KCND2: variants seen among roughly 807,000 people sequenced by gnomAD.
The protein encoded by KCND2 is potassium voltage-gated channel subfamily D member 2.
Under a neutral mutation model 54.4 loss-of-function variants are expected in KCND2, and 16 were observed. That is an observed-to-expected ratio of 0.29 (90% CI 0.20 to 0.45). The LOEUF (loss-of-function observed/expected upper bound fraction) is 0.45, where lower values mean the gene tolerates loss of function less well. Ranked by LOEUF, KCND2 falls within the 20% of genes least tolerant of loss-of-function variation. The pLI, the probability that KCND2 is intolerant of heterozygous loss-of-function variation, is 1.00. For missense variants in KCND2, 486 were observed against 824.2 expected (o/e 0.59, Z 5.02); for synonymous variants, 317 against 310.7 (o/e 1.02, Z -0.21).
At chr7:120,582,332 C>T (rs1792527504) in intron 1 of KCND2, among the ~76,000 whole-genome samples, 2 of 152,076 alleles carry the variant, frequency 1.3e-5, no homozygotes, top group African/African-American at 4.8e-5. Context: ...TAAACGTTCC[C>T]AATTAAGTTT....
intron 1 of KCND2, among the ~76,000 whole-genome samples, chr7:120,689,428 A>G (rs1792243208): frequency 6.6e-6 from 1 of 152,220 alleles, no homozygotes; most frequent in Admixed American, 6.5e-5. Flanking sequence ...GTTCCATCTC[A>G]ATAATCTGAT....
At chr7:120,290,674 A>G (rs1799421457) in intron 1 of KCND2, among the ~76,000 whole-genome samples, 1 of 152,022 alleles carries the variant, frequency 6.6e-6, no homozygotes, top group African/African-American at 2.4e-5. Flanking sequence ...GACATAGAAT[A>G]TTGTCTAGCT....
At chr7:120,512,261 T>C (rs1447805189) in intron 1 of KCND2, among the ~76,000 whole-genome samples, 1 of 152,018 alleles carries the variant, frequency 6.6e-6, no homozygotes, top group Admixed American at 6.6e-5. Flanking sequence ...AGATTAAAAA[T>C]TAAGAACTGG....
chr7:120,498,187 G>T (rs1392265013), intron 1 of KCND2, among the ~76,000 whole-genome samples: 2 of 152,012 alleles, frequency 1.3e-5, no homozygotes, highest in African/African-American at 4.8e-5. Context: ...TAAAATAGTA[G>T]CAGTATATTA....
intron 1 of KCND2, among the ~76,000 whole-genome samples, chr7:120,533,411 C>G (rs950040164): frequency 6.6e-6 from 1 of 151,992 alleles, no homozygotes; most frequent in Non-Finnish European, 1.5e-5. Flanking sequence ...ATTTTTAATA[C>G]TATTGATCTG....
intron 1 of KCND2, among the ~76,000 whole-genome samples, chr7:120,664,366 C>A (rs1562902622): frequency 6.6e-6 from 1 of 152,068 alleles, no homozygotes; most frequent in East Asian, 1.9e-4. Context: ...AAATCTTCAC[C>A]AGACTAATCC....
At chr7:120,538,791 C>A (rs2116376628) in intron 1 of KCND2, among the ~76,000 whole-genome samples, 1 of 152,262 alleles carries the variant, frequency 6.6e-6, no homozygotes, top group Non-Finnish European at 1.5e-5. Context: ...GGGGCTTTAC[C>A]CTGACTGATG....
Position 120,376,926 on chromosome 7 carries a change from C to G in KCND2, c.1115+101179C>G, listed in dbSNP as rs554602924. ...AGAATCTATAGCCCAGGTTTTTTCT[C>G]TCACCTAGAGAGATGTATGTCTTCA... On this transcript the variant is annotated intron_variant, in intron 1 of 5. Transcript: ENST00000331113. Among the ~76,000 whole-genome samples, 8 of 151,970 alleles carry G rather than the reference C, an allele frequency of 5.3e-5. No individual in the cohort carries two copies. In the East Asian group the frequency reaches 7.8e-4, roughly 15 times the overall value.
intron 1 of KCND2, among the ~76,000 whole-genome samples, chr7:120,549,933 TAAC>T (rs1318490866): frequency 6.6e-6 from 1 of 152,098 alleles, no homozygotes; most frequent in African/African-American, 2.4e-5. Context: ...TTAATAGTAT[TAAC>T]AAAATGAAAT....
intron 1 of KCND2, among the ~76,000 whole-genome samples, chr7:120,691,585 G>T (rs1320711748): frequency 6.6e-6 from 1 of 152,112 alleles, no homozygotes; most frequent in African/African-American, 2.4e-5. Context: ...GGAGGATTAG[G>T]AGTGGAGCTG....
intron 1 of KCND2, among the ~76,000 whole-genome samples, chr7:120,685,131 C>T (rs971404448): frequency 4.6e-5 from 7 of 152,210 alleles, no homozygotes; most frequent in African/African-American, 1.4e-4. Context: ...CAAAAAGTTT[C>T]GGGACTGCTG....
At chr7:120,677,529 A>AGATATC (rs1422524378) in intron 1 of KCND2, among the ~76,000 whole-genome samples, 7 of 130,988 alleles carry the variant, frequency 5.3e-5, no homozygotes, top group South Asian at 2.3e-4. Flanking sequence ...ATATATATAT[A>AGATATC]GATATAGATA....
intron 1 of KCND2, among the ~76,000 whole-genome samples, chr7:120,561,988 T>G (rs1273375075): frequency 6.6e-6 from 1 of 152,098 alleles, no homozygotes; most frequent in East Asian, 1.9e-4. Context: ...ATAAATTGGG[T>G]ATGAAGGAGT....
chr7:120,643,980 G>T (rs1793407724), intron 1 of KCND2, among the ~76,000 whole-genome samples: 1 of 151,646 alleles, frequency 6.6e-6, no homozygotes, highest in South Asian at 2.1e-4. Context: ...AGTAATCTAG[G>T]TTTATTTCCT....
At chr7:120,617,270 G>A (rs1455167205) in intron 1 of KCND2, among the ~76,000 whole-genome samples, 1 of 152,052 alleles carries the variant, frequency 6.6e-6, no homozygotes, top group Non-Finnish European at 1.5e-5. Flanking sequence ...GTCTTAGAGT[G>A]AAATTATAAT....
chr7:120,716,443 G>A (rs911158760), intron 1 of KCND2, among the ~76,000 whole-genome samples: 16 of 151,954 alleles, frequency 1.1e-4, no homozygotes, highest in African/African-American at 3.6e-4. Context: ...AGGCTTGTGC[G>A]GAAAGGAGAA....
intron 1 of KCND2, among the ~76,000 whole-genome samples, chr7:120,290,135 A>C (rs1180981680): frequency 6.6e-6 from 1 of 152,094 alleles, no homozygotes; most frequent in Non-Finnish European, 1.5e-5. Flanking sequence ...AATGCCTAGA[A>C]CATTGCTTTG....
rs1036456041 is a variant in KCND2, at chr7:120,579,111, G to A, written c.1116-153792G>A. Among the ~76,000 whole-genome samples the A allele has an allele frequency of 3.3e-5, 5 of 151,980 alleles. No homozygotes were observed. The East Asian group carries it at 9.7e-4, about 29-fold the overall frequency. Reference sequence around the variant, plus strand: ...GTTTCTAATGTTATTTAAGTTAAATGAAGAACATATATTTTAACCATAATA... The same window carrying A: ...GTTTCTAATGTTATTTAAGTTAAATAAAGAACATATATTTTAACCATAATA... On this transcript the variant is annotated intron_variant, in intron 1 of 5. Transcript: ENST00000331113.
intron 1 of KCND2, among the ~76,000 whole-genome samples, chr7:120,383,983 T>C (rs775129667): frequency 6.6e-6 from 1 of 152,070 alleles, no homozygotes; most frequent in Non-Finnish European, 1.5e-5. Flanking sequence ...AACCTTGTTA[T>C]CCAGGAGAGA....
Sources: gnomAD v4.1 joint callset for allele counts (sites outside exome capture counted in the v4.1 genomes callset) on GRCh38, gnomAD v4.1.1 for gene constraint, MANE v1.5 for transcripts, NCBI Gene and HGNC (gene_info 2026-07-23, HGNC 2026-07-21) for gene names.